The following SIL1 variants were observed in gnomAD, a reference collection of about 807,000 sequenced individuals.
SIL1 encodes the protein nucleotide exchange factor SIL1.
In SIL1, 40 loss-of-function variants were observed where a neutral mutation model predicts 49.1. The observed-to-expected ratio is 0.81, with a 90% CI of 0.63 to 1.06. SIL1 has a LOEUF of 1.06. Among genes scored for constraint, SIL1 ranks in the 50% least tolerant of loss-of-function variants. The pLI is 0.00. For synonymous variants in SIL1, 253 were observed against 250.8 expected, an observed-to-expected ratio of 1.01 and a Z score of -0.08; for missense variants, 500 against 572.6, an observed-to-expected ratio of 0.87 and a Z score of 1.29.
chr5:139,005,674 T>C (rs1287045445), intron 7 of SIL1, among the ~76,000 whole-genome samples: 4 of 103,536 alleles, frequency 3.9e-5, no homozygotes, highest in African/African-American at 7.7e-5. Flanking sequence ...CATTGTTCAA[T>C]TCCCACCTAT....
intron 1 of SIL1, among the ~76,000 whole-genome samples, chr5:139,135,056 C>T (rs1018659415): frequency 6.6e-6 from 1 of 152,098 alleles, no homozygotes; most frequent in African/African-American, 2.4e-5. Context: ...ATTTGAAGGA[C>T]AAGAAAAACA....
intron 1 of SIL1, among the ~76,000 whole-genome samples, chr5:139,169,242 A>G (rs1419944328): frequency 6.6e-5 from 10 of 152,154 alleles, no homozygotes; most frequent in Admixed American, 6.5e-4. Flanking sequence ...GCAGGCTCAA[A>G]AGAGACCTGA....
At chr5:138,967,079 T>C (rs1315129203) in intron 7 of SIL1, among the ~76,000 whole-genome samples, 2 of 152,214 alleles carry the variant, frequency 1.3e-5, no homozygotes, top group Non-Finnish European at 2.9e-5. Flanking sequence ...TCCTCCATCG[T>C]TGTGTTTCTG....
intron 4 of SIL1, among the ~76,000 whole-genome samples, chr5:139,046,035 T>A (rs566820379): frequency 2.0e-5 from 3 of 152,322 alleles, no homozygotes; most frequent in African/African-American, 4.8e-5. Context: ...CTGCCTAAAA[T>A]CTTCCAATGG....
intron 3 of SIL1, among the ~76,000 whole-genome samples, chr5:139,089,385 ACAGGGT>A (rs2151775331): frequency 6.6e-6 from 1 of 152,312 alleles, no homozygotes; most frequent in South Asian, 2.1e-4. Context: ...AAGCTGTCAG[ACAGGGT>A]CTCCCCAGCT....
chr5:139,167,997 T>A (rs892450387), intron 1 of SIL1, among the ~76,000 whole-genome samples: 1 of 152,222 alleles, frequency 6.6e-6, no homozygotes, highest in East Asian at 1.9e-4. Context: ...TTTTTTATCT[T>A]TTATACTACA....
At chr5:139,158,826 T>C (rs1016695538) in intron 1 of SIL1, among the ~76,000 whole-genome samples, 1 of 152,248 alleles carries the variant, frequency 6.6e-6, no homozygotes, top group Non-Finnish European at 1.5e-5. Flanking sequence ...ATATTCTGGC[T>C]CCAAATTAGC....
chr5:139,150,741 G>A (rs1751279884), intron 1 of SIL1, among the ~76,000 whole-genome samples: 1 of 152,182 alleles, frequency 6.6e-6, no homozygotes, highest in African/African-American at 2.4e-5. Context: ...TTCAATAGCA[G>A]TAACAAGCTA....
At chr5:138,952,513 G>C (rs931332757) in intron 7 of SIL1, among the ~76,000 whole-genome samples, 1 of 152,220 alleles carries the variant, frequency 6.6e-6, no homozygotes, top group African/African-American at 2.4e-5. Flanking sequence ...TATAACAGCA[G>C]CTACTGTCAG....
At chr5:139,078,143 C>T (rs1464515254) in intron 3 of SIL1, among the ~76,000 whole-genome samples, 2 of 152,178 alleles carry the variant, frequency 1.3e-5, no homozygotes, top group Admixed American at 6.5e-5. Context: ...TCTCACCTTG[C>T]CTAAAAATAG....
chr5:139,101,050 G>T (rs1412500017), intron 3 of SIL1, among the ~76,000 whole-genome samples: 1 of 151,888 alleles, frequency 6.6e-6, no homozygotes, highest in African/African-American at 2.4e-5. Context: ...GGGCGTTCTG[G>T]CACTGAGAAA....
intron 7 of SIL1, among the ~76,000 whole-genome samples, chr5:138,961,952 C>CT (rs10593901): frequency 0.27 from 32,622 of 119,660 alleles, 5,384 homozygotes; most frequent in Non-Finnish European, 0.36. Flanking sequence ...GTTCTCTAGA[C>CT]TTTTTTTTTT....
chr5:139,005,364 T>C (rs936421046), intron 7 of SIL1, among the ~76,000 whole-genome samples: 6 of 151,858 alleles, frequency 4.0e-5, no homozygotes, highest in African/African-American at 1.4e-4. Context: ...AAATCTTATT[T>C]AAGCGTATTA....
At chr5:138,966,555 C>T (rs938440235) in intron 7 of SIL1, among the ~76,000 whole-genome samples, 1 of 152,104 alleles carries the variant, frequency 6.6e-6, no homozygotes, top group Non-Finnish European at 1.5e-5. Flanking sequence ...TCCTGATGGC[C>T]GGGTAATGCT....
intron 1 of SIL1, among the ~76,000 whole-genome samples, chr5:139,191,041 G>A (rs1008322194): frequency 5.3e-5 from 8 of 151,862 alleles, no homozygotes; most frequent in Non-Finnish European, 7.4e-5. Flanking sequence ...AGACCAGCCT[G>A]GCCAACATGG....
At chr5:139,127,682 G>T in intron 2 of SIL1, 57 bp downstream of exon 2, 2 of 1,373,670 alleles carry the variant, frequency 1.5e-6, no homozygotes, top group East Asian at 4.9e-5. Context: ...CTGGTGACAG[G>T]GAGGCCTTCT....
intron 3 of SIL1, among the ~76,000 whole-genome samples, chr5:139,076,915 G>T (rs187451515): frequency 2.6e-5 from 4 of 152,176 alleles, no homozygotes; most frequent in Admixed American, 2.6e-4. Flanking sequence ...CGGATCACGA[G>T]GTCAGGAGAG....
At chr5:138,998,027 G>C (rs1446772088) in intron 7 of SIL1, among the ~76,000 whole-genome samples, 2 of 152,142 alleles carry the variant, frequency 1.3e-5, no homozygotes, top group African/African-American at 4.8e-5. Context: ...GGATTGCATT[G>C]AATCTGTAAA....
intron 6 of SIL1, among the ~76,000 whole-genome samples, chr5:139,024,091 TCA>T (rs1351430260): frequency 3.9e-5 from 6 of 152,190 alleles, no homozygotes; most frequent in Non-Finnish European, 5.9e-5. Context: ...TCCTGTGGAC[TCA>T]CACCCTTCCA....
Sources: allele counts gnomAD v4.1 joint callset (sites outside exome capture counted in the v4.1 genomes callset), GRCh38; gene constraint gnomAD v4.1.1; transcripts MANE v1.5; gene names NCBI Gene and HGNC (gene_info 2026-07-23, HGNC 2026-07-21).